CREB5: variants seen among roughly 807,000 people sequenced by gnomAD.
The protein encoded by CREB5 is cAMP responsive element binding protein 5.
CREB5 carries 19 observed loss-of-function variants against 57.1 expected under a neutral mutation model. That is an observed-to-expected ratio of 0.33 (90% CI 0.23 to 0.49). The LOEUF (loss-of-function observed/expected upper bound fraction) is 0.49, where lower values mean the gene tolerates loss of function less well. Among genes scored for constraint, CREB5 ranks in the 20% least tolerant of loss-of-function variants. CREB5 has a pLI of 0.99. For missense variants in CREB5, 579 were observed against 671.6 expected (o/e 0.86, Z 1.52); for synonymous variants, 238 against 238.3 (o/e 1.00, Z 0.01).
intron 5 of CREB5, among the ~76,000 whole-genome samples, chr7:28,699,545 A>T (rs1316271659): frequency 6.6e-6 from 1 of 152,218 alleles, no homozygotes; most frequent in African/African-American, 2.4e-5. Context: ...AACCACTTTC[A>T]GTACTTCCAG....
chr7:28,728,226 C>T (rs1014246116), intron 7 of CREB5, among the ~76,000 whole-genome samples: 4 of 152,160 alleles, frequency 2.6e-5, no homozygotes, highest in Non-Finnish European at 5.9e-5. Context: ...AGGCATGAGC[C>T]GCCATGCCTG....
At chr7:28,569,456 C>T (rs915093055) in intron 4 of CREB5, among the ~76,000 whole-genome samples, 1 of 152,152 alleles carries the variant, frequency 6.6e-6, no homozygotes, top group Non-Finnish European at 1.5e-5. Context: ...AGACCTATCT[C>T]GCATATTTTA....
At chr7:28,667,113 G>T (rs10245099) in intron 5 of CREB5, among the ~76,000 whole-genome samples, 40,668 of 151,658 alleles carry the variant, frequency 0.27, 5,585 homozygotes, top group Middle Eastern at 0.37. Context: ...AATTCTGTCT[G>T]ACCGTGAACA....
At chr7:28,587,979 G>A (rs1395883782) in intron 5 of CREB5, among the ~76,000 whole-genome samples, 1 of 152,150 alleles carries the variant, frequency 6.6e-6, no homozygotes, top group Admixed American at 6.5e-5. Flanking sequence ...AGTATGCTAT[G>A]GGGAGCTCTT....
intron 1 of CREB5, among the ~76,000 whole-genome samples, chr7:28,363,061 G>C (rs909518501): frequency 6.6e-6 from 1 of 152,184 alleles, no homozygotes; most frequent in Non-Finnish European, 1.5e-5. Flanking sequence ...CTAAGCACTA[G>C]AAGCAGCCAT....
intron 5 of CREB5, among the ~76,000 whole-genome samples, chr7:28,586,112 A>G (rs184485394): frequency 4.7e-4 from 71 of 152,230 alleles, no homozygotes; most frequent in African/African-American, 1.6e-3. Flanking sequence ...TAAGCCAGAA[A>G]ATGGAAGCAA....
intron 7 of CREB5, among the ~76,000 whole-genome samples, chr7:28,735,938 G>A (rs1171224737): frequency 2.0e-5 from 3 of 151,892 alleles, no homozygotes; most frequent in African/African-American, 7.3e-5. Context: ...CCAAGTAGCT[G>A]GGACTACAGG....
intron 5 of CREB5, among the ~76,000 whole-genome samples, chr7:28,617,319 T>A (rs998285586): frequency 6.6e-6 from 1 of 152,228 alleles, no homozygotes; most frequent in Non-Finnish European, 1.5e-5. Flanking sequence ...ATTTCTTTTT[T>A]ACCCGTGCAA....
chr7:28,692,675 A>G (rs1801335929), intron 5 of CREB5, among the ~76,000 whole-genome samples: 1 of 152,126 alleles, frequency 6.6e-6, no homozygotes, highest in Non-Finnish European at 1.5e-5. Context: ...AAGCTGAGGC[A>G]TGAGAATCTC....
Position 28,607,367 on chromosome 7 carries a change from G to A in CREB5, c.464+36830G>A, listed in dbSNP as rs972204986. The stretch of plus-strand genomic sequence containing the variant: ...CTGTTGCACAGAGTATCCCTTGAGT[G>A]GGCGTGAATGAGTGTTTGCATACAC... On this transcript the variant is annotated intron_variant, in intron 5 of 10. Transcript: ENST00000357727. Among the ~76,000 whole-genome samples the A allele has an allele frequency of 2.0e-5, 3 of 152,138 alleles. No individual in the cohort carries two copies. The East Asian group carries it at 5.8e-4, about 29-fold the overall frequency.
At chr7:28,486,670 T>TATATATATATATATATATATATATATATA (rs1791559846) in intron 1 of CREB5, among the ~76,000 whole-genome samples, 1 of 89,116 alleles carries the variant, frequency 1.1e-5, no homozygotes, top group Non-Finnish European at 2.3e-5. Context: ...TCCTATGATT[T>TATATATATATATATATATATATATATATA]TATATATATA....
intron 4 of CREB5, among the ~76,000 whole-genome samples, chr7:28,523,486 T>A (rs1465468573): frequency 6.6e-6 from 1 of 152,186 alleles, no homozygotes; most frequent in Non-Finnish European, 1.5e-5. Context: ...AAGTTTGGCT[T>A]TTTTGATGGG....
At chr7:28,643,037 G>A (rs561627594) in intron 5 of CREB5, among the ~76,000 whole-genome samples, 1 of 104,506 alleles carries the variant, frequency 9.6e-6, no homozygotes, top group Admixed American at 9.0e-5. Flanking sequence ...CACACACTTT[G>A]GGCTTGTCTA....
chr7:28,464,233 A>G (rs1790465065), intron 1 of CREB5, among the ~76,000 whole-genome samples: 1 of 152,124 alleles, frequency 6.6e-6, no homozygotes, highest in African/African-American at 2.4e-5. Flanking sequence ...TGGGTTGCAA[A>G]TCCCAACATT....
chr7:28,495,335 C>T (rs116673051), intron 3 of CREB5, among the ~76,000 whole-genome samples: 3 of 151,910 alleles, frequency 2.0e-5, no homozygotes, highest in African/African-American at 7.3e-5. Context: ...GTCAGGAGTT[C>T]GAGTGATACC....
chr7:28,529,123 G>A (rs1041450848), intron 4 of CREB5, among the ~76,000 whole-genome samples: 2 of 152,230 alleles, frequency 1.3e-5, no homozygotes, highest in African/African-American at 2.4e-5. Context: ...CTATGACCTG[G>A]AGCACAACTG....
intron 1 of CREB5, among the ~76,000 whole-genome samples, chr7:28,366,962 T>C (rs533400185): frequency 1.3e-5 from 2 of 152,314 alleles, no homozygotes; most frequent in Non-Finnish European, 1.5e-5. Flanking sequence ...ATTCTGAGGC[T>C]GAAAGGGTTT....
intron 4 of CREB5, among the ~76,000 whole-genome samples, chr7:28,515,411 C>T (rs1027315247): frequency 6.6e-6 from 1 of 152,202 alleles, no homozygotes; most frequent in Admixed American, 6.5e-5. Context: ...GAGTCAAGTC[C>T]ACCCAGACAA....
At chr7:28,495,148 A>C in intron 3 of CREB5, 149 bp downstream of exon 3, 1 of 499,754 alleles carries the variant, frequency 2.0e-6, no homozygotes. Context: ...TAATCAGGTA[A>C]TATTCACCCA....
Sources: allele counts gnomAD v4.1 joint callset (sites outside exome capture counted in the v4.1 genomes callset), GRCh38; gene constraint gnomAD v4.1.1; transcripts MANE v1.5; gene names NCBI Gene and HGNC (gene_info 2026-07-23, HGNC 2026-07-21).